LHFPL6: variants seen among roughly 807,000 people sequenced by gnomAD.
LHFPL6 encodes the protein LHFPL tetraspan subfamily member 6 protein.
LHFPL6 carries 9 observed loss-of-function variants against 20.6 expected under a neutral mutation model. The ratio of observed to expected loss-of-function variants is 0.44; its 90% CI spans 0.26 to 0.76. LHFPL6 has a LOEUF of 0.76. LHFPL6 is among the 30% of genes least tolerant of loss of function. The pLI is 0.20. For missense variants in LHFPL6, 218 were observed against 253.5 expected (o/e 0.86, Z 0.95); for synonymous variants, 105 against 98.7 (o/e 1.06, Z -0.38).
At chr13:39,597,955 G>A (rs1872817570) in intron 2 of LHFPL6, among the ~76,000 whole-genome samples, 1 of 152,232 alleles carries the variant, frequency 6.6e-6, no homozygotes. Flanking sequence ...GCGGGGTTAA[G>A]CAGGATGCCT....
chr13:39,581,010 GA>G (rs1872265562), intron 2 of LHFPL6, among the ~76,000 whole-genome samples: 1 of 152,174 alleles, frequency 6.6e-6, no homozygotes, highest in Non-Finnish European at 1.5e-5. Context: ...CAGACTTGAG[GA>G]AACAGTTTTT....
At chr13:39,562,739 G>C (rs923705618) in intron 2 of LHFPL6, among the ~76,000 whole-genome samples, 21 of 148,624 alleles carry the variant, frequency 1.4e-4, no homozygotes, top group Non-Finnish European at 2.7e-4. Flanking sequence ...AGAATAAAGA[G>C]AAAAACATGA....
rs1241955188 is a variant in LHFPL6, at chr13:39,431,720, G to GT, written c.386-53195_386-53194insA. Reference sequence around the variant, plus strand: ...GCCAAAAGCCCTGTAGAATTTGTGGGGGGGGGGGGCTTCCTCTCATATTCC... The same window carrying GT: ...GCCAAAAGCCCTGTAGAATTTGTGGGTGGGGGGGGGCTTCCTCTCATATTCC... On this transcript the variant is annotated intron_variant, in intron 2 of 3. Coordinates refer to ENST00000379589, the MANE Select transcript of LHFPL6 (RefSeq NM_005780.3). Among the ~76,000 whole-genome samples the GT allele has an allele frequency of 1.4e-4, 21 of 145,402 alleles. 2 individuals carry two copies. The highest frequency in any genetic ancestry group is 4.5e-4 in the South Asian group (2 of 4,396).
At chr13:39,493,897 C>T (rs920504185) in intron 2 of LHFPL6, among the ~76,000 whole-genome samples, 17 of 152,142 alleles carry the variant, frequency 1.1e-4, no homozygotes, top group Non-Finnish European at 2.5e-4. Flanking sequence ...GAAAAGCAAA[C>T]AAGCATGATT....
chr13:39,560,196 T>G (rs1425186472), intron 2 of LHFPL6, among the ~76,000 whole-genome samples: 1 of 152,258 alleles, frequency 6.6e-6, no homozygotes, highest in Non-Finnish European at 1.5e-5. Flanking sequence ...ATCAACAAAC[T>G]GCATGCTTTG....
intron 2 of LHFPL6, among the ~76,000 whole-genome samples, chr13:39,475,211 G>A (rs1001162156): frequency 2.0e-5 from 3 of 152,178 alleles, no homozygotes; most frequent in Admixed American, 1.3e-4. Flanking sequence ...CACAGGCACA[G>A]AAGGATCGAG....
chr13:39,437,415 C>T (rs1344025344), intron 2 of LHFPL6, among the ~76,000 whole-genome samples: 1 of 152,188 alleles, frequency 6.6e-6, no homozygotes, highest in African/African-American at 2.4e-5. Context: ...CACCTCCCCA[C>T]TCCCTCTTTT....
chr13:39,526,858 A>G (rs368354655), intron 2 of LHFPL6, among the ~76,000 whole-genome samples: 1 of 152,268 alleles, frequency 6.6e-6, no homozygotes, highest in African/African-American at 2.4e-5. Flanking sequence ...TGAAATGCAC[A>G]TCAATCTTGA....
At chr13:39,595,858 G>C (rs538608956) in intron 2 of LHFPL6, among the ~76,000 whole-genome samples, 230 of 152,262 alleles carry the variant, frequency 1.5e-3, no homozygotes, top group African/African-American at 5.3e-3. Context: ...AGAAGGACTG[G>C]CTCCTAGTGT....
chr13:39,552,329 A>C (rs1593359949), intron 2 of LHFPL6, among the ~76,000 whole-genome samples: 1 of 152,168 alleles, frequency 6.6e-6, no homozygotes, highest in Non-Finnish European at 1.5e-5. Context: ...AAAGACTATG[A>C]TTGTGACAGC....
At chr13:39,466,028 C>T (rs1030745813) in intron 2 of LHFPL6, among the ~76,000 whole-genome samples, 15 of 152,142 alleles carry the variant, frequency 9.9e-5, no homozygotes, top group South Asian at 2.1e-4. Flanking sequence ...TGGAGCCCTG[C>T]GCTCTTGGAA....
intron 3 of LHFPL6, among the ~76,000 whole-genome samples, chr13:39,356,273 T>C (rs1258021279): frequency 1.3e-5 from 2 of 152,188 alleles, no homozygotes; most frequent in Non-Finnish European, 2.9e-5. Context: ...GAATAACTTT[T>C]GCATAAACAA....
At chr13:39,591,698 G>T (rs1038590364) in intron 2 of LHFPL6, among the ~76,000 whole-genome samples, 8 of 152,140 alleles carry the variant, frequency 5.3e-5, no homozygotes, top group African/African-American at 1.7e-4. Flanking sequence ...TGCTCCCTGG[G>T]CCCCACCCAG....
chr13:39,444,726 T>G (rs1049259948), intron 2 of LHFPL6, among the ~76,000 whole-genome samples: 1 of 152,198 alleles, frequency 6.6e-6, no homozygotes, highest in Non-Finnish European at 1.5e-5. Context: ...TGTGGGGCCA[T>G]GGCAGCCTCC....
At chr13:39,601,838 T>C (rs925567405) in intron 1 of LHFPL6, among the ~76,000 whole-genome samples, 13 of 152,358 alleles carry the variant, frequency 8.5e-5, no homozygotes, top group South Asian at 6.2e-4. Flanking sequence ...ATTAACTCTC[T>C]GCATGAGCCA....
chr13:39,362,480 C>G (rs1869898890), intron 3 of LHFPL6, among the ~76,000 whole-genome samples: 1 of 152,204 alleles, frequency 6.6e-6, no homozygotes, highest in African/African-American at 2.4e-5. Flanking sequence ...CGGACTAATA[C>G]AATGGGTGTA....
intron 2 of LHFPL6, among the ~76,000 whole-genome samples, chr13:39,574,277 A>T (rs7333601): frequency 1 from 151,936 of 152,182 alleles, 75,846 homozygotes; most frequent in Middle Eastern, 1. Context: ...GGTCAGGAGA[A>T]CAAGATCATC....
At chr13:39,573,542 G>C (rs1045319250) in intron 2 of LHFPL6, among the ~76,000 whole-genome samples, 1 of 152,076 alleles carries the variant, frequency 6.6e-6, no homozygotes, top group African/African-American at 2.4e-5. Context: ...GTTGTAAATA[G>C]AAAATTTTCT....
chr13:39,446,560 T>C (rs1593316040), intron 2 of LHFPL6, among the ~76,000 whole-genome samples: 1 of 152,042 alleles, frequency 6.6e-6, no homozygotes, highest in Middle Eastern at 3.4e-3. Flanking sequence ...ACAAAGATCG[T>C]GTCCCAACTG....
Sources: gnomAD v4.1 joint callset for allele counts (sites outside exome capture counted in the v4.1 genomes callset) on GRCh38, gnomAD v4.1.1 for gene constraint, MANE v1.5 for transcripts, NCBI Gene and HGNC (gene_info 2026-07-23, HGNC 2026-07-21) for gene names.